The following BAZ2A variants were observed in gnomAD, a reference collection of about 807,000 sequenced individuals.
The protein encoded by BAZ2A is bromodomain adjacent to zinc finger domain protein 2A.
A neutral mutation model predicts 199.9 loss-of-function variants in BAZ2A; 34 were observed. The observed-to-expected ratio is 0.17, with a 90% CI of 0.13 to 0.23. The LOEUF is 0.23. Among genes scored for constraint, BAZ2A ranks in the 10% least tolerant of loss-of-function variants. BAZ2A has a pLI of 1.00. For synonymous variants in BAZ2A, 857 were observed against 883.9 expected (o/e 0.97, Z 0.54); for missense variants, 2,002 against 2,391.1 (o/e 0.84, Z 3.39).
chr12:56,637,088 G>A (rs1234933891), upstream of BAZ2A, among the ~76,000 whole-genome samples: 1 of 152,164 alleles, frequency 6.6e-6, no homozygotes, highest in African/African-American at 2.4e-5. Context: ...CAGGACAAAA[G>A]CCCCAGCTGG....
rs765444161 is a variant in BAZ2A at position 56,615,350 on chromosome 12, A to C, written c.394T>G (p.Ser132Ala). ...NGILGGSRQP[S>A]SPSHNTNLRA... Reference sequence around the variant, plus strand: ...AGGTTAGTGTTATGACTTGGGGATGAAGGTTGCCGGCTGCCCCCAAGGATG... The same window carrying C: ...AGGTTAGTGTTATGACTTGGGGATGCAGGTTGCCGGCTGCCCCCAAGGATG... The change falls in exon 3 of 29, where the codon TCA becomes GCA. Residue 132 changes from serine to alanine, a missense_variant. Around this residue, in one of 6 missense-constraint regions of BAZ2A, gnomAD observed 641 missense variants for 694.5 expected, o/e 0.92. Coordinates refer to ENST00000549884, the MANE Select transcript of BAZ2A (RefSeq NM_001300905.2). 24 of 1,613,534 alleles carry C rather than the reference A, an allele frequency of 1.5e-5. No homozygotes were observed. Among genetic ancestry groups the C allele is most frequent in the Non-Finnish European group, 1.8e-5 (21 of 1,179,688 alleles).
chr12:56,600,134 G>A (rs1565805675), intron 24 of BAZ2A, 38 bp from the exon 25 acceptor site: 1 of 1,612,888 alleles, frequency 6.2e-7, no homozygotes. Flanking sequence ...AGAAGGAGCG[G>A]ATCCACTAAA....
At chr12:56,609,024 C>T (rs774017097) in intron 10 of BAZ2A, among the ~76,000 whole-genome samples, 1 of 139,886 alleles carries the variant, frequency 7.1e-6, no homozygotes, top group Non-Finnish European at 1.5e-5. Flanking sequence ...CAGGCACACA[C>T]CACCACGCCC....
At position 56,598,361 on chromosome 12, in the gene BAZ2A, AT is replaced by A. The variant is rs1310530456; in HGVS notation, c.*256del. On this transcript the variant is annotated 3_prime_UTR_variant, in exon 29 of 29. Coordinates refer to ENST00000549884, the MANE Select transcript of BAZ2A (RefSeq NM_001300905.2). Reference sequence around the variant, plus strand: ...GCAAATAAAACAGAAAAGAAAAATTATTTTTTTCTTTCTTTTTTTGGCTTTT... The same window carrying A: ...GCAAATAAAACAGAAAAGAAAAATTATTTTTTCTTTCTTTTTTTGGCTTTT... The A allele has an allele frequency of 5.0e-6, 2 of 398,820 alleles. No individual in the cohort carries two copies. Among genetic ancestry groups the A allele is most frequent in the Non-Finnish European group, 4.4e-6 (1 of 225,152 alleles). 24.7% of individuals were successfully genotyped at this position (398,820 alleles called of 1,614,324 possible).
At chr12:56,604,055 G>A (rs921343828) in intron 16 of BAZ2A, among the ~76,000 whole-genome samples, 162 bp downstream of exon 16, 2 of 151,982 alleles carry the variant, frequency 1.3e-5, no homozygotes, top group African/African-American at 4.8e-5. Flanking sequence ...ACATGATAGT[G>A]CCACAAAAGA....
upstream of BAZ2A, among the ~76,000 whole-genome samples, chr12:56,637,041 A>G (rs1435016880): frequency 6.6e-6 from 1 of 152,144 alleles, no homozygotes; most frequent in Non-Finnish European, 1.5e-5. Context: ...AACTTGATGG[A>G]CTCAGCGGGT....
chr12:56,610,968 G>A (rs1950540863), intron 7 of BAZ2A, among the ~76,000 whole-genome samples: 1 of 152,132 alleles, frequency 6.6e-6, no homozygotes, highest in Non-Finnish European at 1.5e-5. Context: ...GGAACTCTGT[G>A]TTCTGAGCAG....
chr12:56,636,170 C>T lies in BAZ2A; in HGVS notation c.4+12G>A, dbSNP rs1322444381. 4 of 1,592,942 alleles carry T rather than the reference C, an allele frequency of 2.5e-6. No individual in the cohort carries two copies. In the Middle Eastern group the frequency reaches 5.0e-4, roughly 198 times the overall value. Reference sequence around the variant, plus strand: ...CCCTCAGGCCTTCCCCGGGGCTGGTCCCCATACTCACCCATGTCAGGCTGG... The same window carrying T: ...CCCTCAGGCCTTCCCCGGGGCTGGTTCCCATACTCACCCATGTCAGGCTGG... On this transcript the variant is annotated intron_variant, in intron 1 of 29. Transcript: ENST00000379441.
In BAZ2A at chr12:56,615,074, C is replaced by G; in HGVS notation, c.670G>C (p.Val224Leu). 1.2e-6 allele frequency: 2 copies of G among 1,613,900 alleles called. No individual in the cohort carries two copies. The highest frequency in any genetic ancestry group is 1.7e-6 in the Non-Finnish European group (2 of 1,179,880). ...DEAAEKEMTS[V>L]VAENGTGLVG... ...AAGCCAGTGCCATTCTCTGCCACAA[C>G]TGAAGTCATCTCCTTTTCTGCTGCC... The change falls in exon 3 of 29, where the codon GTT becomes CTT. Residue 224 changes from valine to leucine, a missense_variant. Physicochemically the swap from Val to Leu is conservative, Grantham distance 32 (BLOSUM62 1). Around this residue, in one of 6 missense-constraint regions of BAZ2A, gnomAD observed 641 missense variants for 694.5 expected, o/e 0.92. Transcript: ENST00000549884.
At chr12:56,604,483 G>A in intron 15 of BAZ2A, 102 bp downstream of exon 15, 1 of 1,373,200 alleles carries the variant, frequency 7.3e-7, no homozygotes, top group Non-Finnish European at 9.9e-7. Flanking sequence ...TTCAGAACAT[G>A]GCAGTGAACA....
At chr12:56,617,635 C>A (rs1226363730) in intron 1 of BAZ2A, 103 bp from the exon 2 acceptor site, 3 of 1,287,442 alleles carry the variant, frequency 2.3e-6, no homozygotes, top group Non-Finnish European at 3.2e-6. Context: ...CACCTACTTA[C>A]CCTTCTCCTA....
At position 56,601,925 on chromosome 12, in the gene BAZ2A, G is replaced by C. The variant is rs1039095529; in HGVS notation, c.3692C>G (p.Pro1231Arg). The C allele has an allele frequency of 1.3e-6, 2 of 1,590,008 alleles. No individual in the cohort carries two copies. Among genetic ancestry groups the C allele is most frequent in the East Asian group, 2.3e-5 (1 of 43,686 alleles). ...AAGCTGAAGCTGAAGCTGAGGCTGG[G>C]GCTGGGCAGGAGCATGAAGCTGAGC... ...PEAQLHAPAQ[P>R]QPQLQLQLQS... The change falls in exon 20 of 29, where the codon CCC (proline) becomes CGC (arginine). Residue 1231 changes from proline to arginine, a missense_variant. Physicochemically the swap from Pro to Arg is moderately radical, Grantham distance 103 (BLOSUM62 -2). Coordinates refer to ENST00000549884, the MANE Select transcript of BAZ2A (RefSeq NM_001300905.2).
chr12:56,618,913 G>T (rs977328289), intron 1 of BAZ2A, among the ~76,000 whole-genome samples: 2 of 152,076 alleles, frequency 1.3e-5, no homozygotes, highest in African/African-American at 4.8e-5. Flanking sequence ...CATATATGAT[G>T]AGGCCTGGCA....
rs757501515 is a variant in BAZ2A at position 56,598,617 on chromosome 12, C to A, written c.*1G>T. 8.1e-6 allele frequency: 13 copies of A among 1,613,260 alleles called. No individual in the cohort carries two copies. The South Asian group carries it at 1.4e-4, about 18-fold the overall frequency. On this transcript the variant is annotated 3_prime_UTR_variant, in exon 29 of 29. Transcript: ENST00000549884. The stretch of plus-strand genomic sequence containing the variant: ...CAAGGTGACTCCCCACCTCCCTTGC[C>A]TCACAGATTGGCCTGTTTTCCCTGA...
intron 1 of BAZ2A, among the ~76,000 whole-genome samples, chr12:56,627,979 C>T (rs1184648908): frequency 6.6e-6 from 1 of 151,266 alleles, no homozygotes. Context: ...GTCAGGAATT[C>T]GAGACCAGCC....
rs73335264 is a variant in BAZ2A, at chr12:56,605,545, T to C, written c.2494-218A>G. 8,961 of 622,142 alleles carry C rather than the reference T, an allele frequency of 0.014. 608 individuals carry two copies. In the African/African-American group the frequency reaches 0.15, roughly 10 times the overall value. 38.5% of individuals were successfully genotyped at this position (622,142 alleles called of 1,614,324 possible). On this transcript the variant is annotated intron_variant, in intron 13 of 28. Coordinates refer to ENST00000549884, the MANE Select transcript of BAZ2A (RefSeq NM_001300905.2). ...CAAGCAATTCTCCCACCTCAGTCTC[T>C]CAAATAGCTGGGACTACAGGTACAT... is the stretch of plus-strand genomic sequence containing the variant.
At chr12:56,616,602 A>T (rs1306069870) in intron 2 of BAZ2A, among the ~76,000 whole-genome samples, 1 of 152,192 alleles carries the variant, frequency 6.6e-6, no homozygotes, top group East Asian at 1.9e-4. Context: ...ACAATCAATC[A>T]AAAAGAACCA....
Position 56,611,969 on chromosome 12 carries a change from G to C in BAZ2A, c.1413C>G (p.Ser471=). The C allele has an allele frequency of 1.2e-6, 2 of 1,613,396 alleles. No homozygotes were observed. The highest frequency in any genetic ancestry group is 2.2e-5 in the South Asian group (2 of 90,886). ...PAVFSVVSPA[S]SAVLPAVSLE... is the part of the protein sequence containing the mutation. Reference sequence around the variant, plus strand: ...AGGAGACTGCTGGGAGGACTGCTGAGGAAGCTGGAGAGACCACTGAGAAGA... The same window carrying C: ...AGGAGACTGCTGGGAGGACTGCTGACGAAGCTGGAGAGACCACTGAGAAGA... The change falls in exon 6 of 29, where the codon TCC becomes TCG. Residue 471 remains serine (S), a synonymous_variant. Transcript: ENST00000549884.
At chr12:56,633,882 G>A (rs570937035), upstream of BAZ2A, among the ~76,000 whole-genome samples, 14 of 152,238 alleles carry the variant, frequency 9.2e-5, no homozygotes, top group African/African-American at 3.1e-4. Context: ...ACAGGCACAC[G>A]CCACCACGAC....
Sources: allele counts gnomAD v4.1 joint callset (sites outside exome capture counted in the v4.1 genomes callset), GRCh38; gene constraint gnomAD v4.1.1; regional missense constraint gnomAD v4.1.1; transcripts MANE v1.5; gene names NCBI Gene and HGNC (gene_info 2026-07-23, HGNC 2026-07-21).